The following ENTREP2 variants were observed in gnomAD, a reference collection of about 807,000 sequenced individuals.
The protein encoded by ENTREP2 is endosomal transmembrane epsin interactor 2, also known as protein ENTREP2.
chr15:29,349,727 G>A, the ENTREP2 span, among the ~76,000 whole-genome samples: 5 of 151,954 alleles, frequency 3.3e-5, no homozygotes, highest in East Asian at 1.9e-4. Context: ...GTGAAACCCC[G>A]TCTCCACTAA....
chr15:29,506,481 G>A, the ENTREP2 span, among the ~76,000 whole-genome samples: 1 of 152,054 alleles, frequency 6.6e-6, no homozygotes, highest in Admixed American at 6.5e-5. Flanking sequence ...TTGAAATGAA[G>A]GAAAAAATGT....
chr15:29,269,857 G>C, the ENTREP2 span: 1 of 733,356 alleles, frequency 1.4e-6, no homozygotes, highest in Non-Finnish European at 2.0e-6. Flanking sequence ...CCTTGCGTCA[G>C]GGCGGCTGGG....
At chr15:29,284,575 C>CA in the ENTREP2 span, among the ~76,000 whole-genome samples, 5 of 132,342 alleles carry the variant, frequency 3.8e-5, no homozygotes, top group African/African-American at 1.4e-4. Flanking sequence ...AAAAAAAAAC[C>CA]AAAAATAAAT....
chr15:29,425,683 G>T, the ENTREP2 span, among the ~76,000 whole-genome samples: 2 of 151,714 alleles, frequency 1.3e-5, no homozygotes, highest in Non-Finnish European at 2.9e-5. Context: ...TTGCTATTTT[G>T]TTCAATTTTT....
chr15:29,402,677 T>C, the ENTREP2 span, among the ~76,000 whole-genome samples: 2 of 152,072 alleles, frequency 1.3e-5, no homozygotes, highest in African/African-American at 4.8e-5. Flanking sequence ...GAAAAGCAGG[T>C]TGCAAAATGG....
the ENTREP2 span, among the ~76,000 whole-genome samples, chr15:29,590,276 T>G: frequency 6.6e-6 from 1 of 152,260 alleles, no homozygotes; most frequent in South Asian, 2.1e-4. Flanking sequence ...TATCGGCCAC[T>G]CTGACCCTCA....
At chr15:29,385,751 G>A in the ENTREP2 span, among the ~76,000 whole-genome samples, 1 of 152,172 alleles carries the variant, frequency 6.6e-6, no homozygotes, top group Admixed American at 6.5e-5. Flanking sequence ...CCTCAGGCCT[G>A]TGCCCATGGA....
the ENTREP2 span, among the ~76,000 whole-genome samples, chr15:29,179,060 A>T: frequency 6.6e-6 from 1 of 152,188 alleles, no homozygotes; most frequent in Non-Finnish European, 1.5e-5. Flanking sequence ...TGTATTTGTT[A>T]TATGTTTATG....
the ENTREP2 span, among the ~76,000 whole-genome samples, chr15:29,349,333 A>G: frequency 1.3e-5 from 2 of 152,240 alleles, no homozygotes; most frequent in Non-Finnish European, 2.9e-5. Context: ...GATTGTTAAC[A>G]TATCTGCTGA....
At chr15:29,188,720 T>C in the ENTREP2 span, among the ~76,000 whole-genome samples, 3 of 152,310 alleles carry the variant, frequency 2.0e-5, no homozygotes, top group African/African-American at 4.8e-5. Context: ...CGACTCTTGA[T>C]GGAATTCTAG....
the ENTREP2 span, among the ~76,000 whole-genome samples, chr15:29,227,499 C>T: frequency 1.3e-5 from 2 of 152,176 alleles, no homozygotes; most frequent in African/African-American, 4.8e-5. Flanking sequence ...CTCACACCTA[C>T]ACCCACAGTC....
the ENTREP2 span, among the ~76,000 whole-genome samples, chr15:29,541,028 C>G: frequency 6.6e-6 from 1 of 152,194 alleles, no homozygotes; most frequent in African/African-American, 2.4e-5. Context: ...GCTGCCTTCT[C>G]AAAATGACAG....
chr15:29,383,864 C>T, the ENTREP2 span, among the ~76,000 whole-genome samples: 3 of 152,338 alleles, frequency 2.0e-5, no homozygotes, highest in African/African-American at 7.2e-5. Context: ...TTTTCTGCAA[C>T]GCTCACAAGT....
chr15:29,521,469 T>C, the ENTREP2 span, among the ~76,000 whole-genome samples: 1 of 152,202 alleles, frequency 6.6e-6, no homozygotes, highest in Non-Finnish European at 1.5e-5. Context: ...CAAGCAGCAC[T>C]GTAAAAATAA....
the ENTREP2 span, among the ~76,000 whole-genome samples, chr15:29,553,034 G>A: frequency 1.3e-3 from 191 of 152,324 alleles, 4 homozygotes; most frequent in South Asian, 0.039. Context: ...GGTGGCTCAC[G>A]CCTGTAATCC....
chr15:29,203,911 C>G, the ENTREP2 span, among the ~76,000 whole-genome samples: 1 of 152,150 alleles, frequency 6.6e-6, no homozygotes, highest in Non-Finnish European at 1.5e-5. Flanking sequence ...AGACATTTTC[C>G]TCAGTCTGAA....
At chr15:29,465,124 GC>G in the ENTREP2 span, among the ~76,000 whole-genome samples, 3 of 151,934 alleles carry the variant, frequency 2.0e-5, no homozygotes, top group African/African-American at 7.3e-5. Context: ...CCCAATGTCT[GC>G]CCCCGATATA....
the ENTREP2 span, among the ~76,000 whole-genome samples, chr15:29,139,200 A>G: frequency 6.6e-6 from 1 of 152,178 alleles, no homozygotes; most frequent in Non-Finnish European, 1.5e-5. Flanking sequence ...TGACGAAGAA[A>G]GGCTGGTGGC....
the ENTREP2 span, among the ~76,000 whole-genome samples, chr15:29,308,409 A>G: frequency 7.9e-5 from 12 of 152,180 alleles, no homozygotes; most frequent in Non-Finnish European, 1.6e-4. Context: ...GACTTGTTTT[A>G]GACACTTTCA....
Sources: allele counts gnomAD v4.1 joint callset (sites outside exome capture counted in the v4.1 genomes callset), GRCh38; gene constraint gnomAD v4.1.1; transcripts MANE v1.5; gene names NCBI Gene and HGNC (gene_info 2026-07-23, HGNC 2026-07-21).